Variants in JMJD1C observed in about 807,000 individuals in gnomAD.
The protein encoded by JMJD1C is jumonji domain containing 1C, also known as jumonji domain-containing protein 1C.
A neutral mutation model predicts 245.3 loss-of-function variants in JMJD1C; 31 were observed. The observed-to-expected ratio is 0.13, with a 90% CI of 0.09 to 0.17. The LOEUF is 0.17. Among genes scored for constraint, JMJD1C ranks in the 10% least tolerant of loss-of-function variants. The pLI, the probability that JMJD1C is intolerant of heterozygous loss-of-function variation, is 1.00. For synonymous variants in JMJD1C, 1,057 were observed against 1,017.4 expected (o/e 1.04, Z -0.74); for missense variants, 2,691 against 3,000.2 (o/e 0.90, Z 2.41).
rs192984090 is a variant in JMJD1C at position 63,384,135 on chromosome 10, A to C, written c.169-3653T>G. Among the ~76,000 whole-genome samples the C allele has an allele frequency of 2.6e-4, 40 of 152,266 alleles. No individual in the cohort carries two copies. The East Asian group carries it at 6.9e-3, about 26-fold the overall frequency. On this transcript the variant is annotated intron_variant, in intron 1 of 25. Transcript: ENST00000399262. ...ACAATGCCTCATCCATTCAAGTTCA[A>C]CCATGAGATTACAGCAGTTCTCTCA...
intron 2 of JMJD1C, among the ~76,000 whole-genome samples, chr10:63,349,763 T>A (rs1041202866): frequency 2.0e-5 from 3 of 152,270 alleles, no homozygotes; most frequent in African/African-American, 7.2e-5. Flanking sequence ...AAACACCTAG[T>A]ATTTTCCAGA....
chr10:63,306,129 G>A (rs1225426265), intron 2 of JMJD1C, among the ~76,000 whole-genome samples: 1 of 151,582 alleles, frequency 6.6e-6, no homozygotes, highest in African/African-American at 2.4e-5. Context: ...TTGCTCTGTT[G>A]CCCAGGCTGG....
At chr10:63,409,722 C>T (rs7904516) in intron 1 of JMJD1C, among the ~76,000 whole-genome samples, 150,025 of 152,280 alleles carry the variant, frequency 0.99, 73,936 homozygotes, top group Middle Eastern at 1. Flanking sequence ...AAAGTTACAA[C>T]TGGCATGTAT....
intron 1 of JMJD1C, among the ~76,000 whole-genome samples, chr10:63,430,047 A>G (rs867353364): frequency 3.3e-5 from 5 of 152,338 alleles, no homozygotes; most frequent in Middle Eastern, 3.4e-3. Flanking sequence ...AACTATTTCT[A>G]AAGCCACTTT....
chr10:63,395,866 T>C (rs1243654415), intron 1 of JMJD1C, among the ~76,000 whole-genome samples: 1 of 152,134 alleles, frequency 6.6e-6, no homozygotes, highest in Non-Finnish European at 1.5e-5. Flanking sequence ...TATAATTCTA[T>C]TCATGCGACA....
intron 24 of JMJD1C, among the ~76,000 whole-genome samples, chr10:63,175,777 A>C (rs1671839556): frequency 6.6e-6 from 1 of 152,070 alleles, no homozygotes; most frequent in Admixed American, 6.5e-5. Flanking sequence ...CTCCATAACC[A>C]CTGCATCTAT....
At chr10:63,387,857 G>C (rs1171662497) in intron 1 of JMJD1C, among the ~76,000 whole-genome samples, 1 of 151,684 alleles carries the variant, frequency 6.6e-6, no homozygotes, top group Non-Finnish European at 1.5e-5. Context: ...GGATGGTCTT[G>C]ATCTCCTGAC....
rs552251143 is a variant in JMJD1C, at chr10:63,322,619, C to A, written c.333+57699G>T. ...CACAAGGTCTGGAGTTCAAGACCAG[C>A]CTGACCAACATGGTGAAACCCCGTC... On this transcript the variant is annotated intron_variant, in intron 2 of 25. Transcript: ENST00000399262. 3.3e-5 allele frequency among the ~76,000 whole-genome samples: 5 copies of A among 151,950 alleles called. No individual in the cohort carries two copies. The East Asian group carries it at 9.7e-4, about 29-fold the overall frequency.
intron 3 of JMJD1C, among the ~76,000 whole-genome samples, chr10:63,247,584 T>A (rs1248165479): frequency 6.6e-6 from 1 of 151,544 alleles, no homozygotes; most frequent in African/African-American, 2.4e-5. Flanking sequence ...CTACAAAACA[T>A]ACAAAATGTA....
At chr10:63,221,107 T>TAAAA (rs71025127) in intron 3 of JMJD1C, among the ~76,000 whole-genome samples, 2 of 138,904 alleles carry the variant, frequency 1.4e-5, no homozygotes, top group Non-Finnish European at 3.1e-5. Context: ...GACTCCGTCT[T>TAAAA]AAAAAAAAAA....
chr10:63,442,383 T>C (rs573031779), intron 1 of JMJD1C, among the ~76,000 whole-genome samples: 1 of 152,322 alleles, frequency 6.6e-6, no homozygotes, highest in African/African-American at 2.4e-5. Context: ...ATGTTGAATA[T>C]ATATGAAGAA....
intron 1 of JMJD1C, among the ~76,000 whole-genome samples, chr10:63,478,656 G>A (rs764776373): frequency 7.2e-5 from 11 of 152,122 alleles, no homozygotes; most frequent in Non-Finnish European, 1.2e-4. Flanking sequence ...GTCCTCTCCC[G>A]GTGTAGTCAT....
chr10:63,244,141 T>C (rs1383283828), intron 3 of JMJD1C, among the ~76,000 whole-genome samples: 2 of 152,156 alleles, frequency 1.3e-5, no homozygotes, highest in Non-Finnish European at 2.9e-5. Context: ...TCCTGGAAAC[T>C]CTGCTCCATA....
chr10:63,215,831 A>G, intron 5 of JMJD1C, 135 bp from the exon 6 acceptor site: 1 of 574,130 alleles, frequency 1.7e-6, no homozygotes, highest in East Asian at 3.0e-5. Flanking sequence ...TGTTATAATA[A>G]TTTGTTTTAT....
chr10:63,204,823 G>A (rs1319834961), intron 10 of JMJD1C: 6 of 985,192 alleles, frequency 6.1e-6, no homozygotes, highest in Non-Finnish European at 7.2e-6. Flanking sequence ...CCATCCTCCT[G>A]TTTTCCTCTC....
chr10:63,199,534 A>T (rs1482250630), intron 11 of JMJD1C, among the ~76,000 whole-genome samples: 1 of 152,024 alleles, frequency 6.6e-6, no homozygotes, highest in Non-Finnish European at 1.5e-5. Context: ...ATAACCCAGC[A>T]TCTTATTTTG....
At chr10:63,289,770 T>C (rs1481541377) in intron 2 of JMJD1C, among the ~76,000 whole-genome samples, 7 of 152,202 alleles carry the variant, frequency 4.6e-5, no homozygotes, top group Non-Finnish European at 1.0e-4. Flanking sequence ...AGTGCAGTAG[T>C]ATATACTATA....
intron 3 of JMJD1C, among the ~76,000 whole-genome samples, chr10:63,258,839 T>A (rs1260469532): frequency 6.6e-6 from 1 of 152,116 alleles, no homozygotes; most frequent in African/African-American, 2.4e-5. Context: ...TTATCAACTT[T>A]AAAAAATCAT....
Position 63,413,219 on chromosome 10 carries a change from C to A in JMJD1C, c.169-32737G>T, listed in dbSNP as rs572798040. On this transcript the variant is annotated intron_variant, in intron 1 of 25. Transcript: ENST00000399262. ...TGTGTGTTATCTCTTAAAGAGGTAA[C>A]AGGAAAAGAGGTCAAAGACAAGCAA... Among the ~76,000 whole-genome samples, 3 of 152,142 alleles carry A rather than the reference C, an allele frequency of 2.0e-5. No homozygotes were observed. In the South Asian group the frequency reaches 6.2e-4, roughly 32 times the overall value.
Sources: gnomAD v4.1 joint callset for allele counts (sites outside exome capture counted in the v4.1 genomes callset) on GRCh38, gnomAD v4.1.1 for gene constraint, MANE v1.5 for transcripts, NCBI Gene and HGNC (gene_info 2026-07-23, HGNC 2026-07-21) for gene names.